The following CTNNA3 variants were observed in gnomAD, a reference collection of about 807,000 sequenced individuals.
The protein encoded by CTNNA3 is catenin alpha 3.
CTNNA3 carries 76 observed loss-of-function variants against 95.7 expected under a neutral mutation model. That is an observed-to-expected ratio of 0.79 (90% CI 0.66 to 0.96). The LOEUF is 0.96. Ranked by LOEUF, CTNNA3 falls within the 40% of genes least tolerant of loss-of-function variation. The pLI is 0.00. For missense variants in CTNNA3, 1,191 were observed against 1,089.8 expected, an observed-to-expected ratio of 1.09 and a Z score of -1.31; for synonymous variants, 431 against 374.4, an observed-to-expected ratio of 1.15 and a Z score of -1.74.
chr10:66,841,974 C>T (rs971247338), intron 7 of CTNNA3, among the ~76,000 whole-genome samples: 1 of 152,152 alleles, frequency 6.6e-6, no homozygotes, highest in African/African-American at 2.4e-5. Context: ...GGGTCTCACT[C>T]TGTCACTAAG....
At position 67,689,986 on chromosome 10, in the gene CTNNA3, T is replaced by G. The variant is rs933200841; in HGVS notation, c.-6+6014A>C. ...TTGCCAAAATGTGTCCAGAATTGGT[T>G]GCTTCTGGTGGGTTCTTGGTCTCGC... is the stretch of plus-strand genomic sequence containing the variant. On this transcript the variant is annotated intron_variant, in intron 1 of 17. Transcript: ENST00000433211. Among the ~76,000 whole-genome samples, 24 of 152,182 alleles carry G rather than the reference T, an allele frequency of 1.6e-4. 1 individual carries two copies. The highest frequency in any genetic ancestry group is 5.8e-4 in the African/African-American group (24 of 41,438).
chr10:66,516,080 A>AAG (rs1840846170), intron 11 of CTNNA3, among the ~76,000 whole-genome samples: 1 of 151,012 alleles, frequency 6.6e-6, no homozygotes. Context: ...AAAAAAAAAA[A>AAG]GGTAACCCAT....
chr10:66,657,899 GA>G (rs1196563065), intron 9 of CTNNA3, among the ~76,000 whole-genome samples: 6 of 152,098 alleles, frequency 3.9e-5, no homozygotes, highest in African/African-American at 1.4e-4. Flanking sequence ...ATCGAACATG[GA>G]AATATCACAG....
At chr10:66,072,074 C>T (rs754604750) in intron 14 of CTNNA3, among the ~76,000 whole-genome samples, 7 of 152,310 alleles carry the variant, frequency 4.6e-5, no homozygotes, top group Admixed American at 1.3e-4. Flanking sequence ...TGTTATATTG[C>T]AAGAGCAGTC....
At position 66,694,322 on chromosome 10, in the gene CTNNA3, T is replaced by C. The variant is rs1475074688; in HGVS notation, c.1281+71942A>G. Among the ~76,000 whole-genome samples, 3 of 152,202 alleles carry C rather than the reference T, an allele frequency of 2.0e-5. No individual in the cohort carries two copies. In the East Asian group the frequency reaches 5.8e-4, roughly 29 times the overall value. ...AGAAATACAAACTACCATCAGAGAATACTACAAACACCTCTATGCAAATAA... is the reference window on the plus strand; with the variant it reads ...AGAAATACAAACTACCATCAGAGAACACTACAAACACCTCTATGCAAATAA... On this transcript the variant is annotated intron_variant, in intron 9 of 17. Transcript: ENST00000433211.
chr10:66,217,363 A>AAAC (rs1589758563), intron 13 of CTNNA3, among the ~76,000 whole-genome samples: 1 of 151,836 alleles, frequency 6.6e-6, no homozygotes, highest in African/African-American at 2.4e-5. Context: ...AAAAAAAAAA[A>AAAC]AAAAAGAAAG....
At chr10:67,743,221 T>C (rs1387186744) in intron 1 of CTNNA3, among the ~76,000 whole-genome samples, 1 of 151,136 alleles carries the variant, frequency 6.6e-6, no homozygotes, top group Non-Finnish European at 1.5e-5. Context: ...TAGACCAATA[T>C]CCTTGATGAA....
intron 13 of CTNNA3, among the ~76,000 whole-genome samples, chr10:66,116,514 T>C (rs951575864): frequency 2.0e-5 from 3 of 151,432 alleles, no homozygotes; most frequent in Non-Finnish European, 4.4e-5. Flanking sequence ...TAACAAATGG[T>C]ATGCCCATTT....
intron 5 of CTNNA3, among the ~76,000 whole-genome samples, chr10:67,439,853 C>A (rs74144446): frequency 6.6e-6 from 1 of 152,102 alleles, no homozygotes; most frequent in Non-Finnish European, 1.5e-5. Flanking sequence ...ATGCCATGGG[C>A]CTTGGGTGAA....
At chr10:66,295,095 A>T (rs1376110517) in intron 12 of CTNNA3, among the ~76,000 whole-genome samples, 1 of 152,194 alleles carries the variant, frequency 6.6e-6, no homozygotes, top group Admixed American at 6.5e-5. Flanking sequence ...CCTTTTGGTG[A>T]CACCTGTCAT....
At chr10:66,911,376 T>C (rs1190710790) in intron 7 of CTNNA3, among the ~76,000 whole-genome samples, 2 of 152,202 alleles carry the variant, frequency 1.3e-5, no homozygotes, top group Non-Finnish European at 2.9e-5. Flanking sequence ...TATATCACTA[T>C]TATAATGCAA....
At chr10:67,092,839 T>C (rs1857737227) in intron 7 of CTNNA3, among the ~76,000 whole-genome samples, 1 of 152,042 alleles carries the variant, frequency 6.6e-6, no homozygotes, top group Non-Finnish European at 1.5e-5. Context: ...ATATCATTGA[T>C]GTCAAGACAC....
chr10:67,555,225 T>C (rs1841194725), intron 3 of CTNNA3, among the ~76,000 whole-genome samples: 1 of 152,220 alleles, frequency 6.6e-6, no homozygotes. Context: ...TAGGATTGTC[T>C]TGGCAATGCG....
rs567297124 is a variant in CTNNA3 at position 66,056,168 on chromosome 10, A to T, written c.2159+13140T>A. 2.0e-3 allele frequency among the ~76,000 whole-genome samples: 304 copies of T among 152,148 alleles called. 1 individual carries two copies. The highest frequency in any genetic ancestry group is 6.7e-3 in the African/African-American group (278 of 41,544). On this transcript the variant is annotated intron_variant, in intron 15 of 17. Coordinates refer to ENST00000433211, the MANE Select transcript of CTNNA3 (RefSeq NM_013266.4). ...GATGCTAGCTGTGGGTTTGTTATAT[A>T]TAGCGTTTATCTTATTGAGATATTT...
At chr10:67,516,586 G>C (rs920144061) in intron 5 of CTNNA3, among the ~76,000 whole-genome samples, 1 of 152,130 alleles carries the variant, frequency 6.6e-6, no homozygotes, top group African/African-American at 2.4e-5. Flanking sequence ...GATTGACAAA[G>C]ATTGAATATA....
chr10:67,386,489 C>T (rs1018504944), intron 5 of CTNNA3, among the ~76,000 whole-genome samples: 6 of 152,130 alleles, frequency 3.9e-5, no homozygotes, highest in African/African-American at 1.4e-4. Flanking sequence ...TTCTCACATT[C>T]TTTTACCTAA....
rs1010439218 is a variant in CTNNA3 at position 66,107,874 on chromosome 10, A to AGAG, written c.1885-4628_1885-4626dup. On this transcript the variant is annotated intron_variant, in intron 13 of 17. Coordinates refer to ENST00000433211, the MANE Select transcript of CTNNA3 (RefSeq NM_013266.4). ...AGTATTAAAAATACTGTGGAAAACA[A>AGAG]GAGTCATGCTTGGCTTCTTCTCAGA... 7.6e-4 allele frequency among the ~76,000 whole-genome samples: 116 copies of AGAG among 151,982 alleles called. No homozygotes were observed. The Middle Eastern group carries it at 0.014, about 18-fold the overall frequency.
At chr10:67,521,784 G>T in intron 5 of CTNNA3, 58 bp downstream of exon 5, 1 of 1,573,950 alleles carries the variant, frequency 6.4e-7, no homozygotes, top group African/African-American at 1.4e-5. Context: ...CTGACAGGCA[G>T]GATGGCAGGA....
rs1272442858 is a variant in CTNNA3 at position 67,620,921 on chromosome 10, G to GTATATA, written c.100-13873_100-13872insTATATA. 1.9e-3 allele frequency among the ~76,000 whole-genome samples: 182 copies of GTATATA among 94,790 alleles called. 1 individual carries two copies. Among genetic ancestry groups the GTATATA allele is most frequent in the African/African-American group, 8.0e-3 (174 of 21,684 alleles). The allele number at this position is 94,790 out of a possible 152,430, so 62.2% of individuals were successfully genotyped here. A position where few individuals can be genotyped will look rare whatever the true frequency, so the allele number is the denominator to read the frequency against. On this transcript the variant is annotated intron_variant, in intron 2 of 17. Transcript: ENST00000433211. ...TATGTATATGTGTGTGTGTGTGTGT[G>GTATATA]TGTATATATATATATATATATATAT...
Sources: allele counts gnomAD v4.1 joint callset (sites outside exome capture counted in the v4.1 genomes callset), GRCh38; gene constraint gnomAD v4.1.1; transcripts MANE v1.5; gene names NCBI Gene and HGNC (gene_info 2026-07-23, HGNC 2026-07-21).